Variants in MACROD2 observed in about 807,000 individuals in gnomAD.
The protein encoded by MACROD2 is ADP-ribose glycohydrolase MACROD2.
A neutral mutation model predicts 70.4 loss-of-function variants in MACROD2; 36 were observed. The ratio of observed to expected loss-of-function variants is 0.51; its 90% confidence interval spans 0.39 to 0.68. The LOEUF (loss-of-function observed/expected upper bound fraction) is 0.68, where lower values mean the gene tolerates loss of function less well. Among genes scored for constraint, MACROD2 ranks in the 30% least tolerant of loss-of-function variants. The pLI is 0.00. For missense variants in MACROD2, 496 were observed against 538.4 expected, an observed-to-expected ratio of 0.92 and a Z score of 0.78; for synonymous variants, 172 against 178.8, an observed-to-expected ratio of 0.96 and a Z score of 0.30.
At chr20:14,627,462 G>T (rs116419638) in intron 4 of MACROD2, among the ~76,000 whole-genome samples, 1 of 152,166 alleles carries the variant, frequency 6.6e-6, no homozygotes, top group African/African-American at 2.4e-5. Flanking sequence ...GGTCTCTGTT[G>T]TAAGTGCCTT....
chr20:15,959,232 A>AT (rs1568668367), intron 12 of MACROD2, among the ~76,000 whole-genome samples: 1 of 152,186 alleles, frequency 6.6e-6, no homozygotes, highest in Non-Finnish European at 1.5e-5. Context: ...ATGAGGCAAA[A>AT]CATTGTTCAC....
At chr20:14,899,702 T>G (rs2073873754) in intron 5 of MACROD2, among the ~76,000 whole-genome samples, 1 of 152,178 alleles carries the variant, frequency 6.6e-6, no homozygotes, top group Non-Finnish European at 1.5e-5. Context: ...TTTCAACATA[T>G]CTTTTTTAGG....
At chr20:14,635,024 T>C (rs1984713747) in intron 4 of MACROD2, among the ~76,000 whole-genome samples, 2 of 152,290 alleles carry the variant, frequency 1.3e-5, no homozygotes, top group African/African-American at 4.8e-5. Context: ...TGAATATTTA[T>C]TGAGTGCAGA....
At chr20:15,977,247 TAAAC>T (rs2066320427) in intron 13 of MACROD2, among the ~76,000 whole-genome samples, 1 of 152,174 alleles carries the variant, frequency 6.6e-6, no homozygotes, top group African/African-American at 2.4e-5. Context: ...GCTCACTCAG[TAAAC>T]AAACAGTGAA....
At chr20:14,010,022 T>A (rs1601107931) in intron 2 of MACROD2, among the ~76,000 whole-genome samples, 1 of 152,108 alleles carries the variant, frequency 6.6e-6, no homozygotes, top group African/African-American at 2.4e-5. Context: ...TAATGGATGC[T>A]GGGCTCAATA....
intron 9 of MACROD2, among the ~76,000 whole-genome samples, chr20:15,871,359 G>A (rs945111341): frequency 6.6e-6 from 1 of 152,014 alleles, no homozygotes. Context: ...CTCACATTAT[G>A]TCTTCTGCAT....
At chr20:14,053,330 G>A (rs1373602522) in intron 2 of MACROD2, 3 of 152,112 alleles carry the variant, frequency 2.0e-5, no homozygotes, top group Non-Finnish European at 4.4e-5. Context: ...ACTGAAAAGG[G>A]AGTAAATTAA....
intron 8 of MACROD2, among the ~76,000 whole-genome samples, chr20:15,752,293 TTTATTA>T (rs142009114): frequency 6.6e-6 from 1 of 151,180 alleles, no homozygotes; most frequent in African/African-American, 2.4e-5. Context: ...AACTGCAACC[TTTATTA>T]TTATTATTAT....
intron 6 of MACROD2, among the ~76,000 whole-genome samples, chr20:15,401,005 C>T (rs144891304): frequency 2.1e-4 from 32 of 151,776 alleles, no homozygotes; most frequent in South Asian, 2.1e-4. Context: ...CATTCACCGT[C>T]GGCAACTCAG....
chr20:15,603,967 A>G (rs566116492), intron 8 of MACROD2, among the ~76,000 whole-genome samples: 6 of 152,288 alleles, frequency 3.9e-5, no homozygotes, highest in South Asian at 2.1e-4. Context: ...TCATTCCTCT[A>G]TTCCTTGTTA....
chr20:15,885,872 C>T (rs2064815867), intron 10 of MACROD2, 61 bp downstream of exon 10: 1 of 1,425,438 alleles, frequency 7.0e-7, no homozygotes, highest in Non-Finnish European at 9.3e-7. Flanking sequence ...TGTTTATGTA[C>T]ACTTCATATT....
intron 8 of MACROD2, among the ~76,000 whole-genome samples, chr20:15,514,018 A>C (rs1446220609): frequency 1.3e-5 from 2 of 151,948 alleles, no homozygotes; most frequent in African/African-American, 2.4e-5. Context: ...GAACAGATTT[A>C]AAATGTTAAA....
intron 5 of MACROD2, among the ~76,000 whole-genome samples, chr20:15,219,511 A>G (rs1381435283): frequency 6.6e-6 from 1 of 152,242 alleles, no homozygotes; most frequent in Non-Finnish European, 1.5e-5. Context: ...TTGTAAAATA[A>G]TGTAACTTCA....
At chr20:15,993,244 G>A (rs2066582686) in intron 15 of MACROD2, among the ~76,000 whole-genome samples, 1 of 137,418 alleles carries the variant, frequency 7.3e-6, no homozygotes, top group Non-Finnish European at 1.5e-5. Flanking sequence ...GTGTGTGTGT[G>A]TGTGTGTGTG....
At chr20:15,110,357 G>A (rs1424251151) in intron 5 of MACROD2, among the ~76,000 whole-genome samples, 1 of 152,148 alleles carries the variant, frequency 6.6e-6, no homozygotes, top group Non-Finnish European at 1.5e-5. Flanking sequence ...ATCAAGATGA[G>A]TAAAGATCTA....
At chr20:15,213,535 G>A (rs1206423318) in intron 5 of MACROD2, among the ~76,000 whole-genome samples, 1 of 152,082 alleles carries the variant, frequency 6.6e-6, no homozygotes, top group Admixed American at 6.5e-5. Context: ...CTGTGACAGA[G>A]ATTGAGTTTA....
chr20:15,105,785 T>C (rs577467369), intron 5 of MACROD2, among the ~76,000 whole-genome samples: 1 of 152,268 alleles, frequency 6.6e-6, no homozygotes, highest in Admixed American at 6.5e-5. Context: ...GACTATCTCA[T>C]TGACTACTCA....
chr20:14,036,693 C>T (rs531638109), intron 2 of MACROD2, among the ~76,000 whole-genome samples: 1 of 152,184 alleles, frequency 6.6e-6, no homozygotes, highest in South Asian at 2.1e-4. Flanking sequence ...TTATTTTTCC[C>T]TGCTCTGTCA....
At chr20:14,865,288 A>T (rs1379590260) in intron 5 of MACROD2, among the ~76,000 whole-genome samples, 1 of 152,008 alleles carries the variant, frequency 6.6e-6, no homozygotes, top group Non-Finnish European at 1.5e-5. Flanking sequence ...AGCTTACTCC[A>T]TGTAACCCTG....
Sources: gnomAD v4.1 joint callset for allele counts (sites outside exome capture counted in the v4.1 genomes callset) on GRCh38, gnomAD v4.1.1 for gene constraint, MANE v1.5 for transcripts, NCBI Gene and HGNC (gene_info 2026-07-23, HGNC 2026-07-21) for gene names.